Variants in KIRREL3 observed in about 807,000 individuals in gnomAD.
KIRREL3 encodes the protein kin of IRRE-like protein 3.
In KIRREL3, 36 loss-of-function variants were observed where a neutral mutation model predicts 89.7. That is an observed-to-expected ratio of 0.40 (90% CI 0.31 to 0.53). The LOEUF is 0.53. Ranked by LOEUF, KIRREL3 falls within the 20% of genes least tolerant of loss-of-function variation. KIRREL3 has a pLI of 0.49. For missense variants in KIRREL3, 864 were observed against 1,056.6 expected (o/e 0.82, Z 2.53); for synonymous variants, 445 against 441.4 (o/e 1.01, Z -0.10).
At chr11:126,659,526 G>C (rs1326776229) in intron 1 of KIRREL3, among the ~76,000 whole-genome samples, 1 of 152,226 alleles carries the variant, frequency 6.6e-6, no homozygotes, top group Non-Finnish European at 1.5e-5. Context: ...GATAAAGACT[G>C]TCTCACCCTG....
intron 1 of KIRREL3, among the ~76,000 whole-genome samples, chr11:126,728,460 A>C (rs1948480114): frequency 6.6e-6 from 1 of 152,032 alleles, no homozygotes; most frequent in African/African-American, 2.4e-5. Flanking sequence ...CCAGAGCAGG[A>C]AGGGGTGCGT....
chr11:126,814,851 C>A lies in KIRREL3; in HGVS notation c.55+185604G>T, dbSNP rs58225734. 0.018 allele frequency among the ~76,000 whole-genome samples: 2,742 copies of A among 152,180 alleles called. 93 individuals carry two copies. The highest frequency in any genetic ancestry group is 0.063 in the African/African-American group (2,624 of 41,500). Reference sequence around the variant, plus strand: ...AATACCTGGGTGATGGTGGTGGGTTCATCGGTGCAGCGAACCACCATGGCA... The same window carrying A: ...AATACCTGGGTGATGGTGGTGGGTTAATCGGTGCAGCGAACCACCATGGCA... On this transcript the variant is annotated intron_variant, in intron 1 of 16. Coordinates refer to ENST00000525144, the MANE Select transcript of KIRREL3 (RefSeq NM_032531.4). This position sits in a 1 kb window ranked among gnomAD's most constrained non-coding sequence, Gnocchi z 4.4.
intron 1 of KIRREL3, among the ~76,000 whole-genome samples, chr11:126,673,191 G>C (rs1026674099): frequency 7.2e-5 from 11 of 152,262 alleles, no homozygotes; most frequent in Non-Finnish European, 1.3e-4. Flanking sequence ...CAGGAATGCA[G>C]ATGATCAGAT....
intron 1 of KIRREL3, among the ~76,000 whole-genome samples, chr11:126,885,455 A>G (rs1468206894): frequency 2.0e-5 from 3 of 152,226 alleles, no homozygotes; most frequent in African/African-American, 7.2e-5. Context: ...CTTAGGAAAG[A>G]CAGGTTTAGT....
intron 1 of KIRREL3, among the ~76,000 whole-genome samples, chr11:126,873,455 A>G (rs1945174522): frequency 6.6e-6 from 1 of 152,162 alleles, no homozygotes; most frequent in Non-Finnish European, 1.5e-5. Flanking sequence ...GAAAACACCA[A>G]TTTCACATTT....
rs1947955215 is a variant in KIRREL3 at position 126,931,678 on chromosome 11, A to G, written c.55+68777T>C. ...TAATTTAAATATGGAATAGTGGCAG[A>G]TACCCATATTCATTCTTCCTTACAG... On this transcript the variant is annotated intron_variant, in intron 1 of 16. Coordinates refer to ENST00000525144, the MANE Select transcript of KIRREL3 (RefSeq NM_032531.4). The surrounding 1 kb of genome is among the most constrained non-coding windows in gnomAD (Gnocchi z 5.1). Among the ~76,000 whole-genome samples, 1 of 152,250 alleles carries G rather than the reference A, an allele frequency of 6.6e-6. No individual in the cohort carries two copies. The highest frequency in any genetic ancestry group is 3.2e-3 in the Middle Eastern group (1 of 316).
At chr11:126,878,082 A>G (rs540414326) in intron 1 of KIRREL3, among the ~76,000 whole-genome samples, 2 of 152,340 alleles carry the variant, frequency 1.3e-5, no homozygotes, top group East Asian at 3.9e-4. Flanking sequence ...CCTTTCATTC[A>G]CAGAGAGATA....
At position 126,521,826 on chromosome 11, in the gene KIRREL3, G is replaced by T. The variant is rs191088074; in HGVS notation, c.284-362C>A. On this transcript the variant is annotated intron_variant, in intron 3 of 16. Transcript: ENST00000525144. This position sits in a 1 kb window ranked among gnomAD's most constrained non-coding sequence, Gnocchi z 4.1. ...GTGGCAGGATCATAGCTCACTGCAG[G>T]CTCCACTTCCCAGACTCAAACGATC... Among the ~76,000 whole-genome samples, 1 of 151,912 alleles carries T rather than the reference G, an allele frequency of 6.6e-6. No homozygotes were observed. Among genetic ancestry groups the T allele is most frequent in the African/African-American group, 2.4e-5 (1 of 41,428 alleles).
chr11:126,668,695 T>TTCTA lies in KIRREL3; in HGVS notation c.56-105784_56-105783insTAGA. ...AAGAGCTGTTGGGAAGTTTCTGTTT[T>TTCTA]TCTTTCTTTCTTTCTTTCTTTCTTT... On this transcript the variant is annotated intron_variant, in intron 1 of 16. Coordinates refer to ENST00000525144, the MANE Select transcript of KIRREL3 (RefSeq NM_032531.4). This position sits in a 1 kb window ranked among gnomAD's most constrained non-coding sequence, Gnocchi z 4.4. Among the ~76,000 whole-genome samples the TTCTA allele has an allele frequency of 2.5e-5, 1 of 39,248 alleles. No individual in the cohort carries two copies. Among genetic ancestry groups the TTCTA allele is most frequent in the Non-Finnish European group, 5.9e-5 (1 of 16,948 alleles). The allele number at this position is 39,248 out of a possible 152,430, so 25.7% of individuals were successfully genotyped here. A position where few individuals can be genotyped will look rare whatever the true frequency, so the allele number is the denominator to read the frequency against.
chr11:126,451,401 T>G (rs1015130790), intron 7 of KIRREL3, among the ~76,000 whole-genome samples: 1 of 112,786 alleles, frequency 8.9e-6, no homozygotes, highest in African/African-American at 3.7e-5. Flanking sequence ...AACGTGTGCA[T>G]GTGTGCATGT....
At chr11:126,784,101 G>A (rs558977313) in intron 1 of KIRREL3, among the ~76,000 whole-genome samples, 111 of 152,320 alleles carry the variant, frequency 7.3e-4, no homozygotes, top group African/African-American at 2.6e-3. Flanking sequence ...CTGAGAAGCC[G>A]TCACAGCCAC....
chr11:126,938,953 T>C (rs1948319625), intron 1 of KIRREL3, among the ~76,000 whole-genome samples: 1 of 152,074 alleles, frequency 6.6e-6, no homozygotes, highest in Non-Finnish European at 1.5e-5. Flanking sequence ...CAGGAGTCTC[T>C]AGGTAGAGGG....
At chr11:126,930,789 C>T (rs1290858273) in intron 1 of KIRREL3, among the ~76,000 whole-genome samples, 2 of 152,150 alleles carry the variant, frequency 1.3e-5, no homozygotes, top group African/African-American at 4.8e-5. Context: ...GGTTGTGTTA[C>T]TGTCCTGCTC....
intron 1 of KIRREL3, among the ~76,000 whole-genome samples, chr11:126,793,474 T>A (rs1322929555): frequency 6.6e-6 from 1 of 151,498 alleles, no homozygotes; most frequent in Non-Finnish European, 1.5e-5. Context: ...AGAAAGAGAG[T>A]AGGAGAGACA....
intron 1 of KIRREL3, among the ~76,000 whole-genome samples, chr11:126,675,548 T>C (rs1946150209): frequency 6.6e-6 from 1 of 152,192 alleles, no homozygotes; most frequent in African/African-American, 2.4e-5. Context: ...AATTTTTCTC[T>C]AGCTGGGGAT....
chr11:126,502,090 A>C (rs1957883706), intron 4 of KIRREL3, among the ~76,000 whole-genome samples: 1 of 152,134 alleles, frequency 6.6e-6, no homozygotes, highest in Non-Finnish European at 1.5e-5. Flanking sequence ...GAATGTAAAA[A>C]ACTCTACAGA....
chr11:126,846,218 A>C (rs1944136014), intron 1 of KIRREL3, among the ~76,000 whole-genome samples: 2 of 152,186 alleles, frequency 1.3e-5, no homozygotes, highest in South Asian at 4.2e-4. Context: ...ATTTCTGGAG[A>C]TCTGTATTGC....
chr11:126,951,405 T>C (rs1216563432), intron 1 of KIRREL3, among the ~76,000 whole-genome samples: 1 of 152,178 alleles, frequency 6.6e-6, no homozygotes, highest in African/African-American at 2.4e-5. Context: ...TTCCAGTTTA[T>C]TGCCTGCAGC....
At position 126,888,371 on chromosome 11, in the gene KIRREL3, G is replaced by A. The variant is rs79343249; in HGVS notation, c.55+112084C>T. Among the ~76,000 whole-genome samples the A allele has an allele frequency of 8.5e-3, 1,287 of 151,882 alleles. 24 individuals carry two copies. The highest frequency in any genetic ancestry group is 0.028 in the African/African-American group (1,164 of 41,202). On this transcript the variant is annotated intron_variant, in intron 1 of 16. Transcript: ENST00000525144. ...GCTGTGCTGTGAATTTAAAGGGCCC[G>A]TGCCAGATTCTCACCAGGGCCCGTG... is the stretch of plus-strand genomic sequence containing the variant.
Sources: allele counts gnomAD v4.1 joint callset (sites outside exome capture counted in the v4.1 genomes callset), GRCh38; gene constraint gnomAD v4.1.1; non-coding constraint Gnocchi (gnomAD v3.1); transcripts MANE v1.5; gene names NCBI Gene and HGNC (gene_info 2026-07-23, HGNC 2026-07-21).